Variants in SLC35F1 observed in about 807,000 individuals in gnomAD.
The protein encoded by SLC35F1 is solute carrier family 35 member F1, also known as chromosome 6 open reading frame 169.
SLC35F1 carries 14 observed loss-of-function variants against 48.7 expected under a neutral mutation model. The observed-to-expected ratio is 0.29, with a 90% CI of 0.19 to 0.45. The LOEUF (loss-of-function observed/expected upper bound fraction) is 0.45. Among genes scored for constraint, SLC35F1 ranks in the 20% least tolerant of loss-of-function variants. The pLI is 1.00. For synonymous variants in SLC35F1, 190 were observed against 202.2 expected, an observed-to-expected ratio of 0.94 and a Z score of 0.51; for missense variants, 404 against 500.0, an observed-to-expected ratio of 0.81 and a Z score of 1.83.
intron 1 of SLC35F1, among the ~76,000 whole-genome samples, chr6:118,080,062 C>A (rs1051325777): frequency 1.2e-4 from 18 of 152,320 alleles, no homozygotes; most frequent in African/African-American, 4.3e-4. Flanking sequence ...TGTTACCTCA[C>A]TGAACATTAA....
intron 7 of SLC35F1, among the ~76,000 whole-genome samples, chr6:118,304,508 A>G (rs1776289837): frequency 6.6e-6 from 1 of 152,150 alleles, no homozygotes; most frequent in Admixed American, 6.5e-5. Context: ...TCTATTCCAG[A>G]TGGGTTGATT....
intron 1 of SLC35F1, among the ~76,000 whole-genome samples, chr6:118,012,178 A>G (rs1777257732): frequency 6.6e-6 from 1 of 152,102 alleles, no homozygotes; most frequent in South Asian, 2.1e-4. Flanking sequence ...GGAGAGGAAA[A>G]TGACAGGGAC....
At chr6:118,196,673 G>A (rs1332052848) in intron 2 of SLC35F1, among the ~76,000 whole-genome samples, 5 of 151,822 alleles carry the variant, frequency 3.3e-5, no homozygotes, top group East Asian at 1.9e-4. Flanking sequence ...CCAAAATTGC[G>A]CCACTGCACT....
intron 1 of SLC35F1, among the ~76,000 whole-genome samples, chr6:117,938,767 C>T (rs1013840133): frequency 6.6e-6 from 1 of 152,174 alleles, no homozygotes; most frequent in African/African-American, 2.4e-5. Context: ...TAGTTCTTTG[C>T]CTGCCTGGGA....
chr6:118,135,175 C>A (rs1773775828), intron 1 of SLC35F1, among the ~76,000 whole-genome samples: 1 of 152,172 alleles, frequency 6.6e-6, no homozygotes, highest in Non-Finnish European at 1.5e-5. Context: ...TGTACAAGTA[C>A]ACTCAGGACA....
chr6:118,286,775 C>CTGTGTGTGTGTGTGTGTGTGTGTG (rs372641234), intron 7 of SLC35F1, among the ~76,000 whole-genome samples: 2 of 143,682 alleles, frequency 1.4e-5, no homozygotes, highest in African/African-American at 5.2e-5. Context: ...TACCTTTTTT[C>CTGTGTGTGTGTGTGTGTGTGTGTG]TGTGTGTGTG....
chr6:118,267,182 C>T, intron 4 of SLC35F1, 28 bp downstream of exon 4: 3 of 1,612,926 alleles, frequency 1.9e-6, no homozygotes, highest in Non-Finnish European at 2.5e-6. Flanking sequence ...CACCAGGTTC[C>T]TTACCTCTGC....
At chr6:118,123,129 A>T (rs1284646803) in intron 1 of SLC35F1, among the ~76,000 whole-genome samples, 3 of 151,984 alleles carry the variant, frequency 2.0e-5, no homozygotes, top group Admixed American at 6.6e-5. Context: ...TCCTTGTATT[A>T]TGTTCCATTT....
At chr6:117,972,518 A>T (rs1366756277) in intron 1 of SLC35F1, among the ~76,000 whole-genome samples, 1 of 152,210 alleles carries the variant, frequency 6.6e-6, no homozygotes, top group Middle Eastern at 3.2e-3. Context: ...TGGGTTATTT[A>T]TAAAGAAAAA....
intron 1 of SLC35F1, among the ~76,000 whole-genome samples, chr6:117,994,203 C>G (rs893123325): frequency 1.6e-5 from 1 of 63,478 alleles, no homozygotes; most frequent in African/African-American, 7.9e-5. Context: ...TATCACATTG[C>G]CCCCCCCATC....
chr6:118,063,966 T>C (rs991918953), intron 1 of SLC35F1, among the ~76,000 whole-genome samples: 6 of 152,176 alleles, frequency 3.9e-5, no homozygotes, highest in Admixed American at 6.5e-5. Flanking sequence ...CAAACTGTAT[T>C]AGTCTGTTTT....
At chr6:118,042,695 C>A (rs1356953206) in intron 1 of SLC35F1, among the ~76,000 whole-genome samples, 1 of 152,062 alleles carries the variant, frequency 6.6e-6, no homozygotes, top group Non-Finnish European at 1.5e-5. Context: ...TGGTCTGTTG[C>A]AATAGTCCAG....
intron 3 of SLC35F1, among the ~76,000 whole-genome samples, chr6:118,265,706 G>A (rs368738913): frequency 1.3e-5 from 2 of 152,196 alleles, no homozygotes; most frequent in Admixed American, 6.5e-5. Context: ...GATTAAATTG[G>A]CAGAATTTGG....
At chr6:118,031,575 G>T (rs569173379) in intron 1 of SLC35F1, among the ~76,000 whole-genome samples, 2 of 152,236 alleles carry the variant, frequency 1.3e-5, no homozygotes, top group East Asian at 3.9e-4. Context: ...GCCTGTGAGG[G>T]TTCTTAGCTT....
intron 1 of SLC35F1, among the ~76,000 whole-genome samples, chr6:118,081,941 TA>T (rs768656171): frequency 8.8e-4 from 134 of 152,318 alleles, no homozygotes; most frequent in Non-Finnish European, 9.0e-4. Flanking sequence ...TGGGGAGCCA[TA>T]AAAACTTTTA....
chr6:118,295,238 A>G (rs995770362), intron 7 of SLC35F1, among the ~76,000 whole-genome samples: 1 of 152,150 alleles, frequency 6.6e-6, no homozygotes, highest in Non-Finnish European at 1.5e-5. Flanking sequence ...ATATATTATT[A>G]TGTATTAAAT....
intron 1 of SLC35F1, among the ~76,000 whole-genome samples, chr6:118,081,404 G>C (rs556029423): frequency 6.6e-6 from 1 of 152,038 alleles, no homozygotes; most frequent in Non-Finnish European, 1.5e-5. Flanking sequence ...GCTGAGATGG[G>C]AGGATTGCTT....
intron 1 of SLC35F1, among the ~76,000 whole-genome samples, chr6:118,072,292 C>T (rs942388419): frequency 3.9e-5 from 6 of 152,078 alleles, no homozygotes; most frequent in South Asian, 2.1e-4. Flanking sequence ...TGACCAGGCA[C>T]GGTGGCTCAC....
intron 2 of SLC35F1, among the ~76,000 whole-genome samples, chr6:118,202,555 C>T (rs780877006): frequency 2.0e-5 from 3 of 152,156 alleles, no homozygotes; most frequent in Non-Finnish European, 4.4e-5. Flanking sequence ...TTTCTTGAAT[C>T]TCCAGTATTC....
Sources: gnomAD v4.1 joint callset for allele counts (sites outside exome capture counted in the v4.1 genomes callset) on GRCh38, gnomAD v4.1.1 for gene constraint, MANE v1.5 for transcripts, NCBI Gene and HGNC (gene_info 2026-07-23, HGNC 2026-07-21) for gene names.